LIN52: variants seen among roughly 807,000 people sequenced by gnomAD.
LIN52 encodes the protein protein lin-52 homolog.
In LIN52, 4 loss-of-function variants were observed where a neutral mutation model predicts 18.5. That is an observed-to-expected ratio of 0.22 (90% CI 0.11 to 0.49). The LOEUF is 0.49. Ranked by LOEUF, LIN52 falls within the 20% of genes least tolerant of loss-of-function variation. The pLI, the probability that LIN52 is intolerant of heterozygous loss-of-function variation, is 0.97. For synonymous variants in LIN52, 34 were observed against 45.5 expected, an observed-to-expected ratio of 0.75 and a Z score of 1.02; for missense variants, 102 against 139.5, an observed-to-expected ratio of 0.73 and a Z score of 1.35.
At chr14:74,118,949 A>ACTT (rs79293267) in intron 5 of LIN52, among the ~76,000 whole-genome samples, 34,077 of 151,892 alleles carry the variant, frequency 0.22, 4,125 homozygotes, top group South Asian at 0.46. Context: ...TTTGTGTCTG[A>ACTT]CTTTTGATCA....
chr14:74,167,443 T>C (rs1595182783), intron 5 of LIN52, among the ~76,000 whole-genome samples: 1 of 152,178 alleles, frequency 6.6e-6, no homozygotes, highest in African/African-American at 2.4e-5. Context: ...CGGGTGTTTA[T>C]TGACTTAGTC....
At chr14:74,112,165 C>CCA (rs1199043008) in intron 5 of LIN52, among the ~76,000 whole-genome samples, 4 of 152,226 alleles carry the variant, frequency 2.6e-5, no homozygotes, top group African/African-American at 7.2e-5. Flanking sequence ...CAGGCATGAG[C>CCA]CACAGCACCT....
chr14:74,140,861 C>T (rs1474338124), intron 5 of LIN52, among the ~76,000 whole-genome samples: 1 of 152,150 alleles, frequency 6.6e-6, no homozygotes, highest in African/African-American at 2.4e-5. Context: ...AGCTGGTTGG[C>T]ACTTGTGGAT....
At chr14:74,187,895 G>A (rs1379789443) in intron 5 of LIN52, among the ~76,000 whole-genome samples, 1 of 152,130 alleles carries the variant, frequency 6.6e-6, no homozygotes, top group Non-Finnish European at 1.5e-5. Flanking sequence ...ACTTAACAGA[G>A]GAAGGAACTG....
chr14:74,161,554 G>T (rs2061225012), intron 5 of LIN52, among the ~76,000 whole-genome samples: 1 of 152,240 alleles, frequency 6.6e-6, no homozygotes, highest in Non-Finnish European at 1.5e-5. Context: ...GAAAGGAAAA[G>T]AAGAGTCAAC....
rs1275606510 is a variant in LIN52, at chr14:74,199,568, G to GT, written c.*592dup. ...TAAAACTTCTATACCTCTTATGATA[G>GT]TCCCATTTGCTTTTCATTCCTTACT... On this transcript the variant is annotated 3_prime_UTR_variant, in exon 6 of 6. Transcript: ENST00000555028. 6.6e-6 allele frequency: 1 copy of GT among 152,178 alleles called. No homozygotes were observed. Among genetic ancestry groups the GT allele is most frequent in the Non-Finnish European group, 1.5e-5 (1 of 68,054 alleles). 9.4% of individuals were successfully genotyped at this position (152,178 alleles called of 1,614,324 possible). A position where few individuals can be genotyped will look rare whatever the true frequency, so the allele number is the denominator to read the frequency against.
chr14:74,186,315 CA>C (rs1369791628), intron 5 of LIN52, among the ~76,000 whole-genome samples: 3 of 151,490 alleles, frequency 2.0e-5, no homozygotes, highest in Non-Finnish European at 2.9e-5. Context: ...AACAAACAAA[CA>C]AAAAACTGAA....
chr14:74,197,696 G>A (rs943956745), intron 5 of LIN52, among the ~76,000 whole-genome samples: 6 of 152,180 alleles, frequency 3.9e-5, no homozygotes, highest in Non-Finnish European at 7.3e-5. Flanking sequence ...CCCTTTGTTG[G>A]GGCACAGGAA....
intron 5 of LIN52, among the ~76,000 whole-genome samples, chr14:74,179,673 AAAAAAG>A (rs200702373): frequency 0.44 from 60,850 of 139,872 alleles, 13,880 homozygotes; most frequent in Non-Finnish European, 0.52. Flanking sequence ...AAAAAAAGAA[AAAAAAG>A]AAAAAAAAAT....
chr14:74,157,883 G>A (rs910358994), intron 5 of LIN52, among the ~76,000 whole-genome samples: 1 of 152,092 alleles, frequency 6.6e-6, no homozygotes, highest in Non-Finnish European at 1.5e-5. Context: ...AAGAACAAAT[G>A]TGGAACTTCT....
At chr14:74,159,582 T>G (rs1360334746) in intron 5 of LIN52, among the ~76,000 whole-genome samples, 3 of 151,368 alleles carry the variant, frequency 2.0e-5, no homozygotes, top group Admixed American at 6.6e-5. Context: ...TTTTTTTTTT[T>G]TTTTTGGTGA....
At chr14:74,148,871 T>G (rs1161333003) in intron 5 of LIN52, among the ~76,000 whole-genome samples, 1 of 152,202 alleles carries the variant, frequency 6.6e-6, no homozygotes, top group African/African-American at 2.4e-5. Flanking sequence ...CTGCTAAGCC[T>G]AGAAGTGGCA....
intron 5 of LIN52, among the ~76,000 whole-genome samples, chr14:74,183,374 C>T (rs965922887): frequency 2.0e-5 from 3 of 152,144 alleles, no homozygotes; most frequent in East Asian, 1.9e-4. Context: ...GCTGGGATTA[C>T]AGGCATGAGC....
chr14:74,184,399 G>A (rs998592003), intron 5 of LIN52, among the ~76,000 whole-genome samples: 2 of 152,268 alleles, frequency 1.3e-5, no homozygotes, highest in Non-Finnish European at 2.9e-5. Flanking sequence ...TTTTATCCTA[G>A]TGATGTCATT....
intron 5 of LIN52, among the ~76,000 whole-genome samples, chr14:74,129,420 T>C (rs1321264862): frequency 6.6e-6 from 1 of 152,160 alleles, no homozygotes; most frequent in African/African-American, 2.4e-5. Context: ...GTGTTGGCTT[T>C]AGATTGGAAG....
chr14:74,162,139 A>C (rs2061228012), intron 5 of LIN52, among the ~76,000 whole-genome samples: 1 of 152,180 alleles, frequency 6.6e-6, no homozygotes, highest in African/African-American at 2.4e-5. Context: ...AACAGGTTTT[A>C]ACAAAATTTT....
intron 5 of LIN52, among the ~76,000 whole-genome samples, chr14:74,175,365 T>C (rs976534577): frequency 1.3e-5 from 2 of 151,868 alleles, no homozygotes; most frequent in African/African-American, 4.8e-5. Flanking sequence ...CTCAGCACTT[T>C]GGGAGGCCAA....
chr14:74,194,212 C>T (rs1332907699), intron 5 of LIN52, among the ~76,000 whole-genome samples: 1 of 152,078 alleles, frequency 6.6e-6, no homozygotes, highest in African/African-American at 2.4e-5. Flanking sequence ...TCTGGTAATC[C>T]CTCATCCCTC....
intron 5 of LIN52, among the ~76,000 whole-genome samples, chr14:74,179,933 T>C (rs749097704): frequency 4.6e-5 from 7 of 152,242 alleles, no homozygotes; most frequent in Non-Finnish European, 1.0e-4. Context: ...CCTGTAGGGC[T>C]GGCTAAACCA....
Sources: allele counts gnomAD v4.1 joint callset (sites outside exome capture counted in the v4.1 genomes callset), GRCh38; gene constraint gnomAD v4.1.1; transcripts MANE v1.5; gene names NCBI Gene and HGNC (gene_info 2026-07-23, HGNC 2026-07-21).